Variants in ARHGEF6 observed in about 807,000 individuals in gnomAD.
The protein encoded by ARHGEF6 is rho guanine nucleotide exchange factor 6.
In ARHGEF6, 9 loss-of-function variants were observed where a neutral mutation model predicts 70.3. The observed-to-expected ratio is 0.13, with a 90% CI of 0.08 to 0.22. The LOEUF (loss-of-function observed/expected upper bound fraction) is 0.22, where lower values mean the gene tolerates loss of function less well. ARHGEF6 is among the 10% of genes least tolerant of loss of function. The pLI, the probability that ARHGEF6 is intolerant of heterozygous loss-of-function variation, is 1.00. For synonymous variants in ARHGEF6, 201 were observed against 207.8 expected (o/e 0.97, Z 0.28); for missense variants, 470 against 563.0 (o/e 0.83, Z 1.67).
chrX:136,682,267 T>C (rs189290041), intron 13 of ARHGEF6, among the ~76,000 whole-genome samples: 1 of 112,463 alleles, frequency 8.9e-6, no homozygotes, highest in Non-Finnish European at 1.9e-5. Context: ...TCAGATGTTA[T>C]GAAAATTATT....
At chrX:136,703,682 C>G (rs1380155639) in intron 9 of ARHGEF6, among the ~76,000 whole-genome samples, 1 of 111,842 alleles carries the variant, frequency 8.9e-6, no homozygotes, top group Non-Finnish European at 1.9e-5. Context: ...GCAAGCATGC[C>G]CAGCTAATTT....
intron 5 of ARHGEF6, among the ~76,000 whole-genome samples, chrX:136,733,122 T>C (rs1349280629): frequency 9.2e-6 from 1 of 108,189 alleles, no homozygotes; most frequent in Non-Finnish European, 1.9e-5. Flanking sequence ...ACATTCTTTC[T>C]TTTTTTTTAA....
chrX:136,777,494 G>GA (rs2077415308), intron 2 of ARHGEF6, among the ~76,000 whole-genome samples: 6 of 110,604 alleles, frequency 5.4e-5, no homozygotes, highest in Non-Finnish European at 9.5e-5. Context: ...ACTGCTGGTG[G>GA]GAATGTAAAC....
At chrX:136,729,000 T>TTCTCTCTC (rs746818580) in intron 6 of ARHGEF6, among the ~76,000 whole-genome samples, 10 of 16,075 alleles carry the variant, frequency 6.2e-4, no homozygotes, top group Admixed American at 9.8e-4. Flanking sequence ...TCCTTATTCA[T>TTCTCTCTC]TCTCTCTCTC....
rs2076174669 is a variant in ARHGEF6 at position 136,667,710 on chromosome X, T to C, written c.*319A>G. The C allele has an allele frequency of 3.2e-6, 1 of 311,982 alleles. No homozygotes were observed. Among genetic ancestry groups the C allele is most frequent in the Non-Finnish European group, 5.7e-6 (1 of 175,125 alleles). The allele number at this position is 311,982 out of a possible 1,213,427, so 25.7% of individuals were successfully genotyped here. Reference sequence around the variant, plus strand: ...GCAATCTGAAGACCTTTTAAGTAACTGGCCTGCATTCCCTTTCTCTTTCTT... The same window carrying C: ...GCAATCTGAAGACCTTTTAAGTAACCGGCCTGCATTCCCTTTCTCTTTCTT... On this transcript the variant is annotated 3_prime_UTR_variant, in exon 22 of 22. Transcript: ENST00000250617.
At chrX:136,717,063 T>C (rs747887881) in intron 6 of ARHGEF6, among the ~76,000 whole-genome samples, 5 of 111,799 alleles carry the variant, frequency 4.5e-5, no homozygotes, top group East Asian at 5.6e-4. Context: ...TTTGAAACAA[T>C]AGTGGTTGAG....
At chrX:136,767,838 GAGCAGCAGCAGC>G (rs57856447) in intron 2 of ARHGEF6, 154,627 of 658,758 alleles carry the variant, frequency 0.23, 13,267 homozygotes, top group East Asian at 0.63. Flanking sequence ...GGCGCAGGCA[GAGCAGCAGCAGC>G]AGCAGCAGCA....
At chrX:136,678,973 A>T (rs1449703570) in intron 16 of ARHGEF6, among the ~76,000 whole-genome samples, 1 of 111,762 alleles carries the variant, frequency 8.9e-6, no homozygotes, top group African/African-American at 3.2e-5. Context: ...AAACCTTTAA[A>T]TCCCCACACT....
intron 10 of ARHGEF6, 71 bp downstream of exon 10, chrX:136,690,539 A>C: frequency 8.5e-7 from 1 of 1,175,544 alleles, no homozygotes; most frequent in Non-Finnish European, 1.2e-6. Flanking sequence ...TTTGGAGGCA[A>C]ATTGGCTGCG....
At chrX:136,676,937 T>C (rs770296602) in intron 17 of ARHGEF6, among the ~76,000 whole-genome samples, 42 of 112,401 alleles carry the variant, frequency 3.7e-4, no homozygotes, top group African/African-American at 1.1e-3. Context: ...TGCACAGAGG[T>C]GGGACTAAGA....
chrX:136,691,532 G>C (rs1319975892), intron 9 of ARHGEF6, among the ~76,000 whole-genome samples: 1 of 112,101 alleles, frequency 8.9e-6, no homozygotes, highest in African/African-American at 3.2e-5. Context: ...ACATATTTAA[G>C]CAAAATATAC....
At position 136,752,351 on chromosome X, in the gene ARHGEF6, G is replaced by A. The variant is rs896469818; in HGVS notation, c.250-4759C>T. On this transcript the variant is annotated intron_variant, in intron 2 of 21. Transcript: ENST00000250617. ...CAAAAGAGGGGAAAAGCTACACTAA[G>A]CTCCTCCTATTTGTTGAACCAGGTC... Among the ~76,000 whole-genome samples, 8 of 112,028 alleles carry A rather than the reference G, an allele frequency of 7.1e-5. No homozygotes were observed. The Admixed American group carries it at 7.5e-4, about 11-fold the overall frequency.
At chrX:136,720,897 G>C in intron 6 of ARHGEF6, among the ~76,000 whole-genome samples, 1 of 111,711 alleles carries the variant, frequency 9.0e-6, no homozygotes, top group Non-Finnish European at 1.9e-5. Flanking sequence ...ATTTAGATTA[G>C]CACCTCTAAA....
At chrX:136,713,708 G>T (rs1408684689) in intron 6 of ARHGEF6, among the ~76,000 whole-genome samples, 2 of 111,606 alleles carry the variant, frequency 1.8e-5, no homozygotes, top group Non-Finnish European at 3.8e-5. Context: ...TCAAACTCCT[G>T]GTCTGGAGCA....
At chrX:136,755,601 A>T (rs1404797153) in intron 2 of ARHGEF6, among the ~76,000 whole-genome samples, 2 of 112,009 alleles carry the variant, frequency 1.8e-5, no homozygotes, top group African/African-American at 6.5e-5. Context: ...ATGAAACAAA[A>T]GAGCCACTGC....
intron 6 of ARHGEF6, among the ~76,000 whole-genome samples, chrX:136,729,827 G>C (rs1239579973): frequency 9.5e-6 from 1 of 104,838 alleles, no homozygotes; most frequent in Non-Finnish European, 1.9e-5. Flanking sequence ...GAGACTCCAT[G>C]TCAAAAAAAA....
chrX:136,749,175 T>C (rs1603352101), intron 2 of ARHGEF6, among the ~76,000 whole-genome samples: 1 of 112,067 alleles, frequency 8.9e-6, no homozygotes, highest in East Asian at 2.8e-4. Flanking sequence ...TTTCCAGAAA[T>C]ACATTGACAA....
intron 6 of ARHGEF6, among the ~76,000 whole-genome samples, chrX:136,720,354 C>G (rs1314556313): frequency 1.8e-5 from 2 of 111,789 alleles, no homozygotes; most frequent in Admixed American, 1.9e-4. Context: ...CTAATGTAAT[C>G]TATCACATCA....
chrX:136,767,902 G>C lies in ARHGEF6; in HGVS notation c.249+11512C>G. The C allele has an allele frequency of 5.0e-6, 3 of 601,937 alleles. No individual in the cohort carries two copies. In the South Asian group the frequency reaches 2.5e-4, roughly 51 times the overall value. 49.6% of individuals were successfully genotyped at this position (601,937 alleles called of 1,213,427 possible). The stretch of plus-strand genomic sequence containing the variant: ...TAGCTGTGGCAGCAGCAAAAGCCGC[G>C]GTGTACCCGCGGCGGCCACACTGCG... On this transcript the variant is annotated intron_variant, in intron 2 of 21. Transcript: ENST00000250617.
Sources: allele counts gnomAD v4.1 joint callset (sites outside exome capture counted in the v4.1 genomes callset), GRCh38; gene constraint gnomAD v4.1.1; transcripts MANE v1.5; gene names NCBI Gene and HGNC (gene_info 2026-07-23, HGNC 2026-07-21).